Variants in DNAH9 observed in about 807,000 individuals in gnomAD.
DNAH9 encodes the protein DNAH9 variant protein.
DNAH9 carries 345 observed loss-of-function variants against 471.6 expected under a neutral mutation model. The ratio of observed to expected loss-of-function variants is 0.73; its 90% CI spans 0.67 to 0.80. The LOEUF (loss-of-function observed/expected upper bound fraction) is 0.80. DNAH9 is among the 30% of genes least tolerant of loss of function. DNAH9 has a pLI of 0.00. For missense variants in DNAH9, 5,407 were observed against 5,609.2 expected (o/e 0.96, Z 1.15); for synonymous variants, 2,093 against 2,123.6 (o/e 0.99, Z 0.40).
intron 39 of DNAH9, among the ~76,000 whole-genome samples, chr17:11,781,806 TG>T: frequency 7.2e-6 from 1 of 139,154 alleles, no homozygotes; most frequent in African/African-American, 2.9e-5. Context: ...CACTCCAGCC[TG>T]GGCAACAGAG....
intron 26 of DNAH9, among the ~76,000 whole-genome samples, chr17:11,715,209 C>CA (rs1567743805): frequency 6.6e-6 from 1 of 152,106 alleles, no homozygotes; most frequent in Admixed American, 6.5e-5. Flanking sequence ...ATATCTGTAC[C>CA]AAAAAAAGAA....
In DNAH9 at chr17:11,617,518, C is replaced by G; in HGVS notation, c.1012C>G (p.Leu338Val). The change falls in exon 5 of 69, where the codon CTG (leucine) becomes GTG (valine). Residue 338 changes from leucine to valine, a missense_variant. Coordinates refer to ENST00000262442, the MANE Select transcript of DNAH9 (RefSeq NM_001372.4). Reference sequence around the variant, plus strand: ...GGAGGTGAAGCCCCAGCTGCGGCCCCTGCTCCACGTGGTCTGTCTGATTTG... The same window carrying G: ...GGAGGTGAAGCCCCAGCTGCGGCCCGTGCTCCACGTGGTCTGTCTGATTTG... ...FPEVKPQLRP[L>V]LHVVCLIWAT... is the part of the protein sequence containing the mutation. The G allele has an allele frequency of 6.2e-7, 1 of 1,614,158 alleles. No individual in the cohort carries two copies. Among genetic ancestry groups the G allele is most frequent in the Non-Finnish European group, 8.5e-7 (1 of 1,180,014 alleles).
At chr17:11,950,194 AGTGGT>A (rs1182082019) in intron 67 of DNAH9, among the ~76,000 whole-genome samples, 1 of 152,166 alleles carries the variant, frequency 6.6e-6, no homozygotes, top group Non-Finnish European at 1.5e-5. Flanking sequence ...TCCCCACCAG[AGTGGT>A]ACTTTTCTTA....
intron 67 of DNAH9, among the ~76,000 whole-genome samples, chr17:11,960,435 T>TAAAAAAAAAAAAAAAAAAAAAAAAAAAA (rs3074845): frequency 9.3e-5 from 5 of 54,046 alleles, no homozygotes; most frequent in Non-Finnish European, 1.6e-4. Flanking sequence ...GACTCTGTCT[T>TAAAAAAAAAAAAAAAAAAAAAAAAAAAA]AAAAAAAAAA....
At chr17:11,752,208 C>T (rs767467678) in intron 32 of DNAH9, among the ~76,000 whole-genome samples, 5 of 152,070 alleles carry the variant, frequency 3.3e-5, no homozygotes, top group Non-Finnish European at 7.3e-5. Flanking sequence ...TCAGATGGGC[C>T]GCTTTCCAAA....
chr17:11,766,691 G>A (rs899424473), intron 36 of DNAH9, among the ~76,000 whole-genome samples: 6 of 152,172 alleles, frequency 3.9e-5, no homozygotes, highest in South Asian at 2.1e-4. Flanking sequence ...TGGGCTGGGT[G>A]CGGTGGCTCA....
rs191307947 is a variant in DNAH9, at chr17:11,945,489, C to A, written c.12843+3004C>A. Reference sequence around the variant, plus strand: ...GATGCTATAACCTGCAGTGAGCCGACACTGTGACACTGCACTCCAGCCTGG... The same window carrying A: ...GATGCTATAACCTGCAGTGAGCCGAAACTGTGACACTGCACTCCAGCCTGG... On this transcript the variant is annotated intron_variant, in intron 67 of 68. Coordinates refer to ENST00000262442, the MANE Select transcript of DNAH9 (RefSeq NM_001372.4). Among the ~76,000 whole-genome samples, 105 of 149,468 alleles carry A rather than the reference C, an allele frequency of 7.0e-4. 1 individual carries two copies. Among genetic ancestry groups the A allele is most frequent in the Non-Finnish European group, 1.1e-3 (71 of 67,600 alleles).
rs1597437870 is a variant in DNAH9, at chr17:11,652,986, T to C, written c.2579T>C (p.Ile860Thr). The change falls in exon 14 of 69, where the codon ATC becomes ACC. Residue 860 changes from isoleucine (I) to threonine (T), a missense_variant. By Grantham distance (89) the Ile-to-Thr change is moderately conservative. Around this residue, in one of 3 missense-constraint regions of DNAH9, gnomAD observed 4,636 missense variants for 4,900.3 expected, o/e 0.95. Coordinates refer to ENST00000262442, the MANE Select transcript of DNAH9 (RefSeq NM_001372.4). Reference protein sequence around the residue: ...YNLIKESGLKIHALVQENLGL... With the variant: ...YNLIKESGLKTHALVQENLGL... ...CTCATCAAGGAATCTGGCCTTAAGATCCACGCCCTTGTTCAGGTAATAACC... is the reference window on the plus strand; with the variant it reads ...CTCATCAAGGAATCTGGCCTTAAGACCCACGCCCTTGTTCAGGTAATAACC... The C allele has an allele frequency of 1.2e-6, 2 of 1,613,930 alleles. No homozygotes were observed. Among genetic ancestry groups the C allele is most frequent in the South Asian group, 2.2e-5 (2 of 91,080 alleles).
chr17:11,759,354 C>T (rs1387829384), intron 35 of DNAH9, among the ~76,000 whole-genome samples: 2 of 151,902 alleles, frequency 1.3e-5, no homozygotes, highest in African/African-American at 4.8e-5. Flanking sequence ...TTAGCTCCCA[C>T]TTATAAGTGA....
intron 41 of DNAH9, among the ~76,000 whole-genome samples, chr17:11,786,652 A>G (rs1968880206): frequency 2.6e-5 from 4 of 152,216 alleles, no homozygotes; most frequent in Middle Eastern, 3.2e-3. Flanking sequence ...TGATCGCATA[A>G]TGGTAAGCAG....
At chr17:11,839,346 C>T (rs56365739) in intron 49 of DNAH9, among the ~76,000 whole-genome samples, 69,010 of 151,290 alleles carry the variant, frequency 0.46, 16,530 homozygotes, top group Non-Finnish European at 0.54. Flanking sequence ...GAAACCCCGT[C>T]TCTACTAAAA....
At chr17:11,657,584 G>A (rs1241181958) in intron 14 of DNAH9, among the ~76,000 whole-genome samples, 1 of 151,930 alleles carries the variant, frequency 6.6e-6, no homozygotes, top group East Asian at 1.9e-4. Context: ...TCCTCTTGTG[G>A]TTAGTACTTT....
In DNAH9 at chr17:11,810,370, G is replaced by C. The variant is rs766302103; in HGVS notation, c.8707+1G>C. ...CTCATCAATGATCTTTTGGCATCTG[G>C]TAAGAGATTCCTTGCACTTGGTGTC... On this transcript the variant is annotated splice_donor_variant, in intron 45 of 68. Coordinates refer to ENST00000262442, the MANE Select transcript of DNAH9 (RefSeq NM_001372.4). LOFTEE classifies it high-confidence loss of function. 9.9e-6 allele frequency: 16 copies of C among 1,610,224 alleles called. No homozygotes were observed. Among genetic ancestry groups the C allele is most frequent in the Non-Finnish European group, 1.4e-5 (16 of 1,178,730 alleles).
chr17:11,811,308 G>A (rs187756824), intron 45 of DNAH9, among the ~76,000 whole-genome samples: 88 of 151,458 alleles, frequency 5.8e-4, no homozygotes, highest in South Asian at 3.7e-3. Flanking sequence ...GCGAGACTCC[G>A]TCTCAATTTA....
intron 27 of DNAH9, among the ~76,000 whole-genome samples, chr17:11,724,209 C>T (rs932793941): frequency 6.6e-6 from 1 of 152,130 alleles, no homozygotes; most frequent in African/African-American, 2.4e-5. Flanking sequence ...CAAATCTCCT[C>T]TTCAGCTATT....
At chr17:11,607,624 C>CA (rs2072537101) in intron 1 of DNAH9, among the ~76,000 whole-genome samples, 1 of 152,116 alleles carries the variant, frequency 6.6e-6, no homozygotes, top group Non-Finnish European at 1.5e-5. Flanking sequence ...GGCTGGAGTG[C>CA]AGTGGTGTGA....
chr17:11,938,789 G>A (rs1974799325), intron 66 of DNAH9, among the ~76,000 whole-genome samples: 1 of 152,072 alleles, frequency 6.6e-6, no homozygotes, highest in Non-Finnish European at 1.5e-5. Flanking sequence ...TGTAGAGACA[G>A]GGTCGCACTA....
intron 38 of DNAH9, among the ~76,000 whole-genome samples, chr17:11,770,119 A>G (rs1021314274): frequency 1.9e-4 from 29 of 152,152 alleles, no homozygotes; most frequent in Non-Finnish European, 7.4e-5. Flanking sequence ...GCCTCCCCAC[A>G]CCTAGATATG....
chr17:11,838,936 T>C (rs1382390689), intron 49 of DNAH9, among the ~76,000 whole-genome samples: 1 of 152,220 alleles, frequency 6.6e-6, no homozygotes, highest in Non-Finnish European at 1.5e-5. Flanking sequence ...GCAATAAATC[T>C]TTAGCTAATA....
Sources: allele counts gnomAD v4.1 joint callset (sites outside exome capture counted in the v4.1 genomes callset), GRCh38; gene constraint gnomAD v4.1.1; regional missense constraint gnomAD v4.1.1; transcripts MANE v1.5; gene names NCBI Gene and HGNC (gene_info 2026-07-23, HGNC 2026-07-21).